Variants in FTCDNL1 observed in about 807,000 individuals in gnomAD.
The protein encoded by FTCDNL1 is formiminotransferase N-terminal subdomain-containing protein.
Under a neutral mutation model 5.9 loss-of-function variants are expected in FTCDNL1, and 11 were observed. The observed-to-expected ratio is 1.87, with a 90% confidence interval of 1.18 to 3.10. The LOEUF (loss-of-function observed/expected upper bound fraction) is 3.10, where lower values mean the gene tolerates loss of function less well. FTCDNL1 is among the 30% of genes most tolerant of loss of function. The pLI, the probability that FTCDNL1 is intolerant of heterozygous loss-of-function variation, is 0.00. For missense variants in FTCDNL1, 115 were observed against 65.5 expected, an observed-to-expected ratio of 1.76 and a Z score of -2.61; for synonymous variants, 58 against 24.8, an observed-to-expected ratio of 2.34 and a Z score of -3.99.
chr2:199,698,700 C>G, the FTCDNL1 span, among the ~76,000 whole-genome samples: 2 of 152,106 alleles, frequency 1.3e-5, no homozygotes, highest in Non-Finnish European at 2.9e-5. Context: ...AACAACCTAA[C>G]ATCATACCCA....
At chr2:199,772,827 C>T (rs1449703370) in intron 3 of FTCDNL1, among the ~76,000 whole-genome samples, 1 of 152,210 alleles carries the variant, frequency 6.6e-6, no homozygotes, top group Non-Finnish European at 1.5e-5. Flanking sequence ...ACTTCCGCTT[C>T]TCCTTTCTGA....
At chr2:199,831,831 A>T (rs1285509664) in intron 3 of FTCDNL1, among the ~76,000 whole-genome samples, 1 of 152,166 alleles carries the variant, frequency 6.6e-6, no homozygotes, top group Admixed American at 6.5e-5. Flanking sequence ...AATGGTTGTG[A>T]GGATTCTTTG....
At chr2:199,747,434 T>C in the FTCDNL1 span, among the ~76,000 whole-genome samples, 1 of 152,302 alleles carries the variant, frequency 6.6e-6, no homozygotes, top group South Asian at 2.1e-4. Flanking sequence ...GCCTCGAGCC[T>C]GTCTGTGTTC....
chr2:199,740,493 G>T, the FTCDNL1 span, among the ~76,000 whole-genome samples: 1 of 152,184 alleles, frequency 6.6e-6, no homozygotes, highest in Non-Finnish European at 1.5e-5. Context: ...GAGGAGTGGA[G>T]CACAGGGCTG....
the FTCDNL1 span, among the ~76,000 whole-genome samples, chr2:199,745,204 C>T: frequency 6.6e-6 from 1 of 152,216 alleles, no homozygotes; most frequent in African/African-American, 2.4e-5. Context: ...TGGTTACTAA[C>T]GCCTATTACA....
the FTCDNL1 span, among the ~76,000 whole-genome samples, chr2:199,696,805 G>T: frequency 6.6e-6 from 1 of 152,146 alleles, no homozygotes; most frequent in Non-Finnish European, 1.5e-5. Flanking sequence ...TGGCCAGGCT[G>T]AAAAGGATGA....
chr2:199,794,209 A>G (rs901751043), intron 3 of FTCDNL1, among the ~76,000 whole-genome samples: 10 of 152,214 alleles, frequency 6.6e-5, no homozygotes, highest in African/African-American at 2.4e-4. Flanking sequence ...AAAATTTTTA[A>G]TATATTTCCA....
intron 3 of FTCDNL1, among the ~76,000 whole-genome samples, chr2:199,840,891 G>A (rs2076566873): frequency 6.6e-6 from 1 of 152,158 alleles, no homozygotes; most frequent in African/African-American, 2.4e-5. Context: ...AGTAGCTCAT[G>A]CCTGTAATCC....
chr2:199,845,931 G>T, intron 3 of FTCDNL1, 144 bp downstream of exon 3: 8 of 394,598 alleles, frequency 2.0e-5, no homozygotes, highest in East Asian at 3.7e-5. Flanking sequence ...TCAGAAAAAT[G>T]ATTAAGTGTA....
intron 3 of FTCDNL1, among the ~76,000 whole-genome samples, chr2:199,767,160 A>G (rs949287741): frequency 6.6e-6 from 1 of 152,380 alleles, no homozygotes; most frequent in South Asian, 2.1e-4. Context: ...AAAGTGCCAA[A>G]TAATCTTTTA....
At position 199,785,249 on chromosome 2, in the gene FTCDNL1, C is replaced by CTTTTTTTTTTTTTTTTTT. The variant is rs61047289; in HGVS notation, c.212-24415_212-24414insAAAAAAAAAAAAAAAAAA. ...AGGGTCTCTAAACTCTTCCAAATTC[C>CTTTTTTTTTTTTTTTTTT]TTTTTTTTTTTTTTTTGAGACAGAA... On this transcript the variant is annotated intron_variant, in intron 3 of 3. Coordinates refer to the FTCDNL1 transcript ENST00000416668. Among the ~76,000 whole-genome samples, 185 of 76,864 alleles carry CTTTTTTTTTTTTTTTTTT rather than the reference C, an allele frequency of 2.4e-3. 36 individuals carry two copies. Among genetic ancestry groups the CTTTTTTTTTTTTTTTTTT allele is most frequent in the African/African-American group, 3.5e-3 (62 of 17,642 alleles). The allele number at this position is 76,864 out of a possible 152,430, so 50.4% of individuals were successfully genotyped here. A position where few individuals can be genotyped will look rare whatever the true frequency, so the allele number is the denominator to read the frequency against.
At chr2:199,681,731 G>A in the FTCDNL1 span, among the ~76,000 whole-genome samples, 1 of 152,204 alleles carries the variant, frequency 6.6e-6, no homozygotes, top group Admixed American at 6.5e-5. Flanking sequence ...TCTTAGTGAT[G>A]AGGAATCAGA....
chr2:199,831,886 A>G (rs1702394998), intron 3 of FTCDNL1, among the ~76,000 whole-genome samples: 1 of 152,166 alleles, frequency 6.6e-6, no homozygotes, highest in African/African-American at 2.4e-5. Context: ...GAGTTTCTTA[A>G]TGTGTCGAGG....
At chr2:199,838,959 A>T (rs1702945064) in intron 3 of FTCDNL1, among the ~76,000 whole-genome samples, 1 of 152,146 alleles carries the variant, frequency 6.6e-6, no homozygotes, top group Non-Finnish European at 1.5e-5. Flanking sequence ...ACACTGGAAG[A>T]TCCTCCTCTG....
chr2:199,782,242 C>A (rs1407954622), intron 3 of FTCDNL1, among the ~76,000 whole-genome samples: 3 of 152,304 alleles, frequency 2.0e-5, no homozygotes, highest in Middle Eastern at 3.4e-3. Context: ...GATATGATTT[C>A]TTTACTTCTT....
At chr2:199,666,933 C>T in the FTCDNL1 span, among the ~76,000 whole-genome samples, 1 of 150,614 alleles carries the variant, frequency 6.6e-6, no homozygotes. Context: ...AAAAGTGATA[C>T]CTTTGGGGAT....
At chr2:199,673,560 G>T in the FTCDNL1 span, among the ~76,000 whole-genome samples, 1 of 152,030 alleles carries the variant, frequency 6.6e-6, no homozygotes, top group Non-Finnish European at 1.5e-5. Flanking sequence ...TGCTAGGCAT[G>T]TACTAAAACA....
At chr2:199,798,626 A>T (rs1700287286) in intron 3 of FTCDNL1, among the ~76,000 whole-genome samples, 1 of 152,066 alleles carries the variant, frequency 6.6e-6, no homozygotes, top group East Asian at 1.9e-4. Flanking sequence ...TCATTCCACC[A>T]CGTGAGCGGC....
At chr2:199,792,140 T>C (rs1699963110) in intron 3 of FTCDNL1, among the ~76,000 whole-genome samples, 2 of 152,232 alleles carry the variant, frequency 1.3e-5, no homozygotes, top group South Asian at 2.1e-4. Context: ...TGGTGGGAGA[T>C]GAAATTTTGA....
Sources: gnomAD v4.1 joint callset for allele counts (sites outside exome capture counted in the v4.1 genomes callset) on GRCh38, gnomAD v4.1.1 for gene constraint, MANE v1.5 for transcripts, NCBI Gene and HGNC (gene_info 2026-07-23, HGNC 2026-07-21) for gene names.